The following TJP1 variants were observed in gnomAD, a reference collection of about 807,000 sequenced individuals.
TJP1 encodes tight junction protein 1.
A neutral mutation model predicts 194.2 loss-of-function variants in TJP1; 43 were observed. The ratio of observed to expected loss-of-function variants is 0.22; its 90% confidence interval spans 0.17 to 0.29. The LOEUF is 0.29. Ranked by LOEUF, TJP1 falls within the 10% of genes least tolerant of loss-of-function variation. The pLI is 1.00. For synonymous variants in TJP1, 801 were observed against 779.0 expected, an observed-to-expected ratio of 1.03 and a Z score of -0.47; for missense variants, 1,971 against 2,185.7, an observed-to-expected ratio of 0.90 and a Z score of 1.96.
At chr15:29,825,435 A>T (rs1025183479), upstream of TJP1, among the ~76,000 whole-genome samples, 4 of 152,212 alleles carry the variant, frequency 2.6e-5, no homozygotes, top group African/African-American at 9.6e-5. Flanking sequence ...CTAAAAAACC[A>T]CAACACTTAA....
rs766324938 is a variant in TJP1 at position 29,734,305 on chromosome 15, T to C, written c.1485A>G (p.Glu495=). ...TCTTCTTCTGAGCCAATATGGTCAC[T>C]TCTTCTCCTTTAGGGAGGTCAAGCA... ...LFLLDLPKGE[E]VTILAQKKKD... Residue 495 remains glutamate, a synonymous_variant, in exon 12 of 28, where the codon GAA becomes GAG. Transcript: ENST00000614355. 3.7e-6 allele frequency: 6 copies of C among 1,612,680 alleles called. No homozygotes were observed. Among genetic ancestry groups the C allele is most frequent in the South Asian group, 1.1e-5 (1 of 90,670 alleles).
intron 2 of TJP1, among the ~76,000 whole-genome samples, chr15:29,909,685 G>A (rs2053954711): frequency 6.6e-6 from 1 of 152,006 alleles, no homozygotes; most frequent in Non-Finnish European, 1.5e-5. Flanking sequence ...GCAGCCCTTA[G>A]GGTACTGCTC....
chr15:29,751,074 A>G (rs1395075127), intron 8 of TJP1, among the ~76,000 whole-genome samples: 1 of 152,210 alleles, frequency 6.6e-6, no homozygotes, highest in African/African-American at 2.4e-5. Context: ...TTTTATATGG[A>G]AACAAATATA....
At chr15:29,753,246 G>C (rs939858281) in intron 8 of TJP1, among the ~76,000 whole-genome samples, 1 of 151,974 alleles carries the variant, frequency 6.6e-6, no homozygotes, top group African/African-American at 2.4e-5. Flanking sequence ...CACTTTGGGA[G>C]GCTGAGGCAG....
Position 29,718,962 on chromosome 15 carries a change from T to A in TJP1, c.3180A>T (p.Arg1060Ser). The change falls in exon 21 of 28, where the codon AGA (arginine) becomes AGT (serine). Residue 1060 changes from arginine (R) to serine (S), a missense_variant. Physicochemically the swap from Arg to Ser is moderately radical, Grantham distance 110 (BLOSUM62 -1). Around this residue, in one of 5 missense-constraint regions of TJP1, gnomAD observed 1,108 missense variants for 1,128.5 expected, o/e 0.98. Coordinates refer to ENST00000614355, the MANE Select transcript of TJP1 (RefSeq NM_001330239.4). ...ASRDLEQPTYRYESSSYTDQF... is the reference protein window; with the variant it reads ...ASRDLEQPTYSYESSSYTDQF... The stretch of plus-strand genomic sequence containing the variant: ...GGTCCGTATAGCTTGAGGACTCGTA[T>A]CTGTATGTGGGCTGCTCGAGGTCTC... 6.2e-7 allele frequency: 1 copy of A among 1,614,166 alleles called. No individual in the cohort carries two copies. Among genetic ancestry groups the A allele is most frequent in the South Asian group, 1.1e-5 (1 of 91,088 alleles).
intron 2 of TJP1, among the ~76,000 whole-genome samples, chr15:29,865,006 A>G (rs2052252154): frequency 6.6e-6 from 1 of 152,192 alleles, no homozygotes; most frequent in South Asian, 2.1e-4. Context: ...CACTAAGAGT[A>G]CCCTTCCAAT....
At chr15:29,792,764 T>G (rs909698970) in intron 2 of TJP1, among the ~76,000 whole-genome samples, 1 of 152,238 alleles carries the variant, frequency 6.6e-6, no homozygotes, top group Non-Finnish European at 1.5e-5. Context: ...TTCCACTTTT[T>G]GGTGCCGTCT....
chr15:29,958,010 G>C (rs1195002195), intron 1 of TJP1, among the ~76,000 whole-genome samples: 1 of 152,064 alleles, frequency 6.6e-6, no homozygotes, highest in Non-Finnish European at 1.5e-5. Flanking sequence ...GACTATTGTA[G>C]GATTTCCCAC....
chr15:29,831,570 T>A (rs2050837633), intron 2 of TJP1, among the ~76,000 whole-genome samples: 1 of 152,180 alleles, frequency 6.6e-6, no homozygotes, highest in Non-Finnish European at 1.5e-5. Context: ...GACCCCATTT[T>A]AAAAACAAGT....
intron 4 of TJP1, among the ~76,000 whole-genome samples, chr15:29,769,249 G>C: frequency 6.6e-6 from 1 of 152,146 alleles, no homozygotes. Flanking sequence ...TACACCATGA[G>C]AGGATCAAAT....
At position 29,833,877 on chromosome 15, in the gene TJP1, A is replaced by ATTTTTTT. The variant is rs1332880070; in HGVS notation, c.307-33176_307-33175insAAAAAAA. 1.9e-3 allele frequency among the ~76,000 whole-genome samples: 27 copies of ATTTTTTT among 14,438 alleles called. 2 individuals carry two copies. In the East Asian group the frequency reaches 0.069, roughly 37 times the overall value. The allele number at this position is 14,438 out of a possible 152,430, so 9.5% of individuals were successfully genotyped here. ...TGTAAGTATATATATATATATATATATATATTTTTTTTTTTTTTTTTTTTG... is the reference window on the plus strand; with the variant it reads ...TGTAAGTATATATATATATATATATATTTTTTTTATATTTTTTTTTTTTTTTTTTTTG... On this transcript the variant is annotated intron_variant, in intron 2 of 28. Coordinates refer to the TJP1 transcript ENST00000356107.
chr15:29,734,373 C>T lies in TJP1; in HGVS notation c.1417G>A (p.Val473Ile), dbSNP rs371036893. 2.7e-5 allele frequency: 44 copies of T among 1,607,874 alleles called. No homozygotes were observed. Among genetic ancestry groups the T allele is most frequent in the South Asian group, 3.3e-5 (3 of 90,336 alleles). The change falls in exon 12 of 28, where the codon GTA (valine) becomes ATA (isoleucine). Residue 473 changes from valine (V) to isoleucine (I), a missense_variant. By Grantham distance (29) the Val-to-Ile change is conservative. Coordinates refer to ENST00000614355, the MANE Select transcript of TJP1 (RefSeq NM_001330239.4). Reference sequence around the variant, plus strand: ...TCTCTTATGATATTTGTAAAATCTACGTTGTTTACCTAATAAATAAGATTT... The same window carrying T: ...TCTCTTATGATATTTGTAAAATCTATGTTGTTTACCTAATAAATAAGATTT... Reference protein sequence around the residue: ...EGDQILRVNNVDFTNIIREEA... With the variant: ...EGDQILRVNNIDFTNIIREEA...
intron 2 of TJP1, among the ~76,000 whole-genome samples, chr15:29,949,982 A>T (rs375090560): frequency 4.6e-5 from 1 of 21,846 alleles, no homozygotes. Context: ...CATCTTCACC[A>T]CCACCTCCAC....
chr15:29,838,987 T>A (rs1426501280), intron 2 of TJP1, among the ~76,000 whole-genome samples: 1 of 143,424 alleles, frequency 7.0e-6, no homozygotes, highest in Non-Finnish European at 1.5e-5. Flanking sequence ...ACAGTAAAAA[T>A]TCACCTTTTT....
At chr15:29,753,483 C>CAA (rs34221786) in intron 8 of TJP1, among the ~76,000 whole-genome samples, 71 of 47,918 alleles carry the variant, frequency 1.5e-3, no homozygotes, top group African/African-American at 1.7e-3. Context: ...GACTCTGTGT[C>CAA]AAAAAAAAAA....
At position 29,958,365 on chromosome 15, in the gene TJP1, C is replaced by T. The variant is rs8035352; in HGVS notation, c.174-2001G>A. 5.2e-3 allele frequency among the ~76,000 whole-genome samples: 796 copies of T among 151,726 alleles called. 12 individuals carry two copies. Among genetic ancestry groups the T allele is most frequent in the African/African-American group, 0.019 (772 of 41,360 alleles). On this transcript the variant is annotated intron_variant, in intron 1 of 28. Transcript: ENST00000356107. ...AGCTGGATTTTTTTCTTTCTTTACC[C>T]AATCTGAGGGTTAATGTCTTTTAAG... is the stretch of plus-strand genomic sequence containing the variant.
At chr15:29,906,648 C>G (rs2053824956) in intron 2 of TJP1, among the ~76,000 whole-genome samples, 1 of 151,710 alleles carries the variant, frequency 6.6e-6, no homozygotes, top group Non-Finnish European at 1.5e-5. Flanking sequence ...GGTGCAATCT[C>G]AGCTCACTCC....
chr15:29,757,074 G>C (rs2045688516), intron 8 of TJP1, among the ~76,000 whole-genome samples: 1 of 152,048 alleles, frequency 6.6e-6, no homozygotes, highest in Non-Finnish European at 1.5e-5. Context: ...ACTGCATATG[G>C]GGATGCTGAA....
intron 2 of TJP1, among the ~76,000 whole-genome samples, chr15:29,890,951 G>A (rs1567170496): frequency 6.6e-6 from 1 of 152,220 alleles, no homozygotes; most frequent in African/African-American, 2.4e-5. Flanking sequence ...CTCTAAAAAG[G>A]TATGAGGGAG....
Sources: allele counts gnomAD v4.1 joint callset (sites outside exome capture counted in the v4.1 genomes callset), GRCh38; gene constraint gnomAD v4.1.1; regional missense constraint gnomAD v4.1.1; transcripts MANE v1.5; gene names NCBI Gene and HGNC (gene_info 2026-07-23, HGNC 2026-07-21).